LRP1B: variants seen among roughly 807,000 people sequenced by gnomAD.
The protein encoded by LRP1B is low-density lipoprotein receptor-related protein 1B.
A neutral mutation model predicts 556.6 loss-of-function variants in LRP1B; 217 were observed. The observed-to-expected ratio is 0.39, with a 90% CI of 0.35 to 0.44. LRP1B has a LOEUF of 0.44. Among genes scored for constraint, LRP1B ranks in the 20% least tolerant of loss-of-function variants. LRP1B has a pLI of 1.00. For synonymous variants in LRP1B, 2,047 were observed against 1,865.8 expected, an observed-to-expected ratio of 1.10 and a Z score of -2.50; for missense variants, 5,053 against 5,620.8, an observed-to-expected ratio of 0.90 and a Z score of 3.23.
rs1033927213 is a variant in LRP1B at position 141,467,128 on chromosome 2, A to C, written c.343+13268T>G. 6.6e-5 allele frequency among the ~76,000 whole-genome samples: 2 copies of C among 30,118 alleles called. 1 individual carries two copies. The highest frequency in any genetic ancestry group is 1.4e-4 in the African/African-American group (2 of 14,514). 19.8% of individuals were successfully genotyped at this position (30,118 alleles called of 152,430 possible). On this transcript the variant is annotated intron_variant, in intron 3 of 90. Coordinates refer to ENST00000389484, the MANE Select transcript of LRP1B (RefSeq NM_018557.3). ...TATATATATATATATATATATCTAT[A>C]TATATATATATATATATATATATCC...
At chr2:140,503,285 G>A (rs561464580) in intron 53 of LRP1B, among the ~76,000 whole-genome samples, 182 bp from the exon 54 acceptor site, 9 of 152,116 alleles carry the variant, frequency 5.9e-5, no homozygotes, top group Admixed American at 3.9e-4. Flanking sequence ...TTGGAAGTAG[G>A]AATATGGTCC....
chr2:141,125,855 A>C (rs571596582), intron 7 of LRP1B, among the ~76,000 whole-genome samples: 3,336 of 149,814 alleles, frequency 0.022, 139 homozygotes, highest in African/African-American at 0.078. Context: ...AAAAAAAAAA[A>C]AAAAAACAAA....
intron 7 of LRP1B, among the ~76,000 whole-genome samples, chr2:141,083,425 C>T (rs1699973806): frequency 6.7e-6 from 1 of 150,356 alleles, no homozygotes; most frequent in Non-Finnish European, 1.5e-5. Context: ...GTGAATAGCA[C>T]AGTACTAAAT....
chr2:141,557,408 G>A (rs1459141345), intron 2 of LRP1B, among the ~76,000 whole-genome samples: 1 of 151,896 alleles, frequency 6.6e-6, no homozygotes, highest in Non-Finnish European at 1.5e-5. Flanking sequence ...AACCTTGGGT[G>A]GTGAAATGCA....
chr2:141,119,311 C>T (rs1574092299), intron 7 of LRP1B, among the ~76,000 whole-genome samples: 1 of 151,906 alleles, frequency 6.6e-6, no homozygotes, highest in African/African-American at 2.4e-5. Flanking sequence ...TCCAAATCCC[C>T]ACAACGTTGT....
chr2:140,465,705 C>T (rs1455754983), intron 60 of LRP1B, among the ~76,000 whole-genome samples: 3 of 145,966 alleles, frequency 2.1e-5, no homozygotes, highest in African/African-American at 7.8e-5. Context: ...AAGCATGTGG[C>T]ACTCATGACA....
intron 72 of LRP1B, among the ~76,000 whole-genome samples, chr2:140,363,175 AT>A (rs1330767910): frequency 6.6e-6 from 1 of 151,662 alleles, no homozygotes; most frequent in East Asian, 1.9e-4. Context: ...TCCAGCCAGA[AT>A]AAGATCTCCT....
chr2:141,528,255 A>T (rs1684757167), intron 2 of LRP1B, among the ~76,000 whole-genome samples: 1 of 151,876 alleles, frequency 6.6e-6, no homozygotes, highest in Admixed American at 6.6e-5. Flanking sequence ...GGTTAAGTAT[A>T]TCTTATAATA....
chr2:140,400,732 C>G (rs1684460588), intron 66 of LRP1B, among the ~76,000 whole-genome samples: 2 of 152,062 alleles, frequency 1.3e-5, no homozygotes, highest in East Asian at 3.9e-4. Flanking sequence ...CCAAAAGAAA[C>G]CACAGACCCT....
At chr2:140,541,651 A>G (rs1316756181) in intron 44 of LRP1B, 128 bp downstream of exon 44, 2 of 743,486 alleles carry the variant, frequency 2.7e-6, no homozygotes, top group Non-Finnish European at 4.1e-6. Flanking sequence ...ATCCACAGTC[A>G]TAGTAACAAA....
intron 1 of LRP1B, among the ~76,000 whole-genome samples, chr2:141,850,242 A>C (rs1189863765): frequency 2.0e-5 from 3 of 151,504 alleles, no homozygotes; most frequent in Non-Finnish European, 4.4e-5. Flanking sequence ...TTTTTCCCCC[A>C]TGGTCCCTAA....
At chr2:141,534,776 C>T (rs1685011721) in intron 2 of LRP1B, among the ~76,000 whole-genome samples, 1 of 152,052 alleles carries the variant, frequency 6.6e-6, no homozygotes, top group South Asian at 2.1e-4. Context: ...ATTTTAATTC[C>T]CTTCAGACTT....
At chr2:140,315,249 A>C (rs1222958521) in intron 82 of LRP1B, 150 bp from the exon 83 acceptor site, 10 of 525,172 alleles carry the variant, frequency 1.9e-5, no homozygotes, top group South Asian at 1.5e-4. Flanking sequence ...ATTAAATACT[A>C]TCTGAAAACA....
chr2:140,745,753 T>C (rs980949840), intron 35 of LRP1B, among the ~76,000 whole-genome samples: 1 of 152,118 alleles, frequency 6.6e-6, no homozygotes, highest in Non-Finnish European at 1.5e-5. Context: ...ATCCTTGGTA[T>C]AAAAAACAGT....
chr2:141,669,720 TA>T (rs565001979), intron 2 of LRP1B, among the ~76,000 whole-genome samples: 1 of 118,020 alleles, frequency 8.5e-6, no homozygotes, highest in Non-Finnish European at 1.6e-5. Context: ...TCTATTGTAT[TA>T]AAAAATGTCA....
chr2:140,304,026 A>G (rs1314420354), intron 83 of LRP1B, among the ~76,000 whole-genome samples: 3 of 152,182 alleles, frequency 2.0e-5, no homozygotes. Flanking sequence ...TCCATAGTGT[A>G]TATGTGCCAC....
At chr2:140,981,614 G>C (rs1696771190) in intron 18 of LRP1B, among the ~76,000 whole-genome samples, 1 of 152,098 alleles carries the variant, frequency 6.6e-6, no homozygotes, top group African/African-American at 2.4e-5. Context: ...TCTATTGAAA[G>C]TGGGAATTTT....
At chr2:141,621,122 C>T (rs1055755894) in intron 2 of LRP1B, among the ~76,000 whole-genome samples, 1 of 152,056 alleles carries the variant, frequency 6.6e-6, no homozygotes, top group Non-Finnish European at 1.5e-5. Flanking sequence ...TGGTGAGCTC[C>T]AACCCTCATA....
chr2:141,416,761 T>A (rs927988446), intron 3 of LRP1B, among the ~76,000 whole-genome samples: 6 of 152,162 alleles, frequency 3.9e-5, no homozygotes, highest in Non-Finnish European at 7.4e-5. Context: ...TACATCTCCA[T>A]CAGGAGTTCT....
Sources: gnomAD v4.1 joint callset for allele counts (sites outside exome capture counted in the v4.1 genomes callset) on GRCh38, gnomAD v4.1.1 for gene constraint, MANE v1.5 for transcripts, NCBI Gene and HGNC (gene_info 2026-07-23, HGNC 2026-07-21) for gene names.